The following CSMD1 variants were observed in gnomAD, a reference collection of about 807,000 sequenced individuals.
The protein encoded by CSMD1 is CUB and Sushi multiple domains 1, also known as CUB and sushi domain-containing protein 1.
CSMD1 carries 213 observed loss-of-function variants against 417.5 expected under a neutral mutation model. The ratio of observed to expected loss-of-function variants is 0.51; its 90% CI spans 0.46 to 0.57. CSMD1 has a LOEUF of 0.57. Ranked by LOEUF, CSMD1 falls within the 20% of genes least tolerant of loss-of-function variation. The pLI, the probability that CSMD1 is intolerant of heterozygous loss-of-function variation, is 0.00. For synonymous variants in CSMD1, 2,862 were observed against 1,736.8 expected (o/e 1.65, Z -16.11); for missense variants, 6,923 against 4,529.7 (o/e 1.53, Z -15.17).
chr8:3,087,214 T>C lies in CSMD1; in HGVS notation c.7357A>G (p.Ser2453Gly). The C allele has an allele frequency of 6.2e-7, 1 of 1,613,958 alleles. No individual in the cohort carries two copies. Among genetic ancestry groups the C allele is most frequent in the Non-Finnish European group, 8.5e-7 (1 of 1,179,868 alleles). ...GGCTTGCAAAAATAATGCACTTTGC[T>C]TCCAACCGCTCCTGCAGTCCTGTTT... ...ILNRTAGAVG[S>G]KVHYFCKPGY... The change falls in exon 49 of 70, where the codon AGC (serine) becomes GGC (glycine). Residue 2453 changes from serine to glycine, a missense_variant. Ser to Gly is a moderately conservative substitution (Grantham distance 56). Coordinates refer to ENST00000635120, the MANE Select transcript of CSMD1 (RefSeq NM_033225.6).
At chr8:3,456,835 A>G (rs1235029417) in intron 12 of CSMD1, among the ~76,000 whole-genome samples, 1 of 152,108 alleles carries the variant, frequency 6.6e-6, no homozygotes, top group African/African-American at 2.4e-5. Flanking sequence ...AACAAACTGG[A>G]TGCAGAACTG....
chr8:3,512,461 G>A (rs906045909), intron 10 of CSMD1, among the ~76,000 whole-genome samples: 1 of 152,094 alleles, frequency 6.6e-6, no homozygotes, highest in Non-Finnish European at 1.5e-5. Context: ...ATGTGCCCAT[G>A]ACACCTAAGG....
At chr8:3,315,704 T>C (rs1199117063) in intron 23 of CSMD1, among the ~76,000 whole-genome samples, 1 of 152,242 alleles carries the variant, frequency 6.6e-6, no homozygotes, top group South Asian at 2.1e-4. Context: ...AATGTAAACT[T>C]CTGAACTTAA....
At chr8:4,505,822 A>G (rs1348866388) in intron 2 of CSMD1, among the ~76,000 whole-genome samples, 1 of 150,544 alleles carries the variant, frequency 6.6e-6, no homozygotes. Flanking sequence ...TTTTTTTTAG[A>G]TAGAGTCTCA....
At chr8:4,955,959 C>T (rs767313630) in intron 1 of CSMD1, among the ~76,000 whole-genome samples, 10 of 152,170 alleles carry the variant, frequency 6.6e-5, no homozygotes, top group Non-Finnish European at 1.2e-4. Context: ...GTTTGAGAAA[C>T]GCTGTGCTGC....
intron 3 of CSMD1, among the ~76,000 whole-genome samples, chr8:4,057,970 T>C (rs974676799): frequency 6.6e-6 from 1 of 151,044 alleles, no homozygotes; most frequent in African/African-American, 2.4e-5. Context: ...GGTAGGGTGA[T>C]GCCTCCAGCT....
chr8:3,309,559 T>C (rs1442478366), intron 23 of CSMD1, among the ~76,000 whole-genome samples: 1 of 142,046 alleles, frequency 7.0e-6, no homozygotes, highest in South Asian at 2.4e-4. Context: ...TAAGGCCATC[T>C]GTGAAAGACA....
At chr8:4,664,570 G>T (rs74897338) in intron 1 of CSMD1, among the ~76,000 whole-genome samples, 17,823 of 151,988 alleles carry the variant, frequency 0.12, 1,306 homozygotes, top group East Asian at 0.21. Context: ...TGAAAATAAA[G>T]AAATAAATAA....
chr8:4,906,012 C>A (rs933354331), intron 1 of CSMD1, among the ~76,000 whole-genome samples: 11 of 151,928 alleles, frequency 7.2e-5, no homozygotes, highest in Non-Finnish European at 1.0e-4. Flanking sequence ...AAGTCTGATC[C>A]GATAAATTAA....
chr8:4,107,791 A>G (rs1234831724), intron 3 of CSMD1, among the ~76,000 whole-genome samples: 3 of 152,224 alleles, frequency 2.0e-5, no homozygotes, highest in African/African-American at 4.8e-5. Flanking sequence ...CCTGCTGTTA[A>G]TAACTGACAG....
At chr8:4,274,718 A>G (rs1796377214) in intron 3 of CSMD1, among the ~76,000 whole-genome samples, 1 of 152,178 alleles carries the variant, frequency 6.6e-6, no homozygotes, top group African/African-American at 2.4e-5. Flanking sequence ...AACATAATAC[A>G]TAGCATTTCT....
chr8:4,634,174 T>C (rs997051090), intron 2 of CSMD1, among the ~76,000 whole-genome samples: 6 of 152,098 alleles, frequency 3.9e-5, no homozygotes, highest in African/African-American at 1.2e-4. Context: ...AAATCATATA[T>C]GTATTGTTGG....
chr8:4,486,294 G>C (rs1434732767), intron 2 of CSMD1, among the ~76,000 whole-genome samples: 1 of 142,654 alleles, frequency 7.0e-6, no homozygotes, highest in African/African-American at 2.6e-5. Context: ...CGCAAACATA[G>C]GCACATAGAG....
chr8:3,369,276 G>A lies in CSMD1; in HGVS notation c.2877C>T (p.Thr959=), dbSNP rs1242129538. The change falls in exon 19 of 70, where the codon ACC becomes ACT. Residue 959 remains threonine, a synonymous_variant. Transcript: ENST00000635120. ...FYPNSLNCTW[T]IEVSHGKGVQ... Reference sequence around the variant, plus strand: ...TACCTTTCCCATGAGACACTTCAATGGTCCACGTGCAGTTTAGAGAGTTTG... The same window carrying A: ...TACCTTTCCCATGAGACACTTCAATAGTCCACGTGCAGTTTAGAGAGTTTG... 4.4e-6 allele frequency: 7 copies of A among 1,573,532 alleles called. No homozygotes were observed. The highest frequency in any genetic ancestry group is 5.2e-6 in the Non-Finnish European group (6 of 1,143,798).
chr8:4,676,940 TA>T (rs993901951), intron 1 of CSMD1, among the ~76,000 whole-genome samples: 1 of 147,532 alleles, frequency 6.8e-6, no homozygotes, highest in African/African-American at 2.5e-5. Flanking sequence ...ATGATATATA[TA>T]GAGAAATTAT....
At chr8:3,312,738 G>A (rs755569338) in intron 23 of CSMD1, among the ~76,000 whole-genome samples, 1 of 152,134 alleles carries the variant, frequency 6.6e-6, no homozygotes, top group South Asian at 2.1e-4. Flanking sequence ...GGAGAAGAGT[G>A]CTGCCTCCAC....
chr8:3,409,923 G>C (rs914331738), intron 12 of CSMD1, among the ~76,000 whole-genome samples: 2 of 152,168 alleles, frequency 1.3e-5, no homozygotes, highest in Admixed American at 6.5e-5. Context: ...ATCTGCAATT[G>C]CTACTACTAA....
chr8:3,467,101 T>A (rs1395584888), intron 12 of CSMD1, among the ~76,000 whole-genome samples: 1 of 152,162 alleles, frequency 6.6e-6, no homozygotes, highest in Non-Finnish European at 1.5e-5. Context: ...ACAGCACTAA[T>A]TAGGGTAAAA....
intron 3 of CSMD1, among the ~76,000 whole-genome samples, chr8:4,261,063 G>T (rs996454151): frequency 6.6e-6 from 1 of 152,068 alleles, no homozygotes; most frequent in East Asian, 1.9e-4. Context: ...TTAGGATTCC[G>T]GATACCTTGT....
Sources: allele counts gnomAD v4.1 joint callset (sites outside exome capture counted in the v4.1 genomes callset), GRCh38; gene constraint gnomAD v4.1.1; transcripts MANE v1.5; gene names NCBI Gene and HGNC (gene_info 2026-07-23, HGNC 2026-07-21).